The following CDH4 variants were observed in gnomAD, a reference collection of about 807,000 sequenced individuals.
The protein encoded by CDH4 is cadherin 4, also known as cadherin-4.
CDH4 carries 33 observed loss-of-function variants against 86.0 expected under a neutral mutation model. The ratio of observed to expected loss-of-function variants is 0.38; its 90% confidence interval spans 0.29 to 0.51. The LOEUF is 0.51. Among genes scored for constraint, CDH4 ranks in the 20% least tolerant of loss-of-function variants. CDH4 has a pLI of 0.86. For synonymous variants in CDH4, 555 were observed against 549.4 expected, an observed-to-expected ratio of 1.01 and a Z score of -0.14; for missense variants, 1,114 against 1,307.4, an observed-to-expected ratio of 0.85 and a Z score of 2.28.
chr20:61,734,394 G>A (rs2088234692), intron 2 of CDH4, among the ~76,000 whole-genome samples: 1 of 152,230 alleles, frequency 6.6e-6, no homozygotes, highest in Non-Finnish European at 1.5e-5. Flanking sequence ...TGTTGTATGT[G>A]AGGTTTGCAC....
intron 3 of CDH4, among the ~76,000 whole-genome samples, chr20:61,760,992 T>C (rs1315332047): frequency 6.6e-6 from 1 of 152,198 alleles, no homozygotes; most frequent in Non-Finnish European, 1.5e-5. Context: ...TTTTATTCCG[T>C]CCATCCTTAG....
chr20:61,413,250 G>C (rs929710954), intron 2 of CDH4, among the ~76,000 whole-genome samples: 5 of 145,560 alleles, frequency 3.4e-5, no homozygotes, highest in Admixed American at 7.1e-5. Flanking sequence ...GCCTTTCACC[G>C]CTGGCCTGGA....
intron 11 of CDH4, among the ~76,000 whole-genome samples, chr20:61,926,737 G>T (rs1275474023): frequency 1.3e-5 from 2 of 152,206 alleles, no homozygotes; most frequent in African/African-American, 2.4e-5. Flanking sequence ...GCTAGGCATG[G>T]TGGTGCACGC....
intron 2 of CDH4, among the ~76,000 whole-genome samples, chr20:61,453,935 A>T (rs1187730446): frequency 6.6e-6 from 1 of 152,106 alleles, no homozygotes; most frequent in Non-Finnish European, 1.5e-5. Flanking sequence ...TTTGCTCTGC[A>T]CTTCTTCCTG....
intron 2 of CDH4, among the ~76,000 whole-genome samples, chr20:61,561,457 C>T (rs1042461394): frequency 1.3e-5 from 2 of 152,262 alleles, no homozygotes; most frequent in Non-Finnish European, 2.9e-5. Flanking sequence ...GGCCCTGGGC[C>T]GTCCCTCTTC....
intron 2 of CDH4, among the ~76,000 whole-genome samples, chr20:61,367,225 A>T (rs2084815562): frequency 6.7e-6 from 1 of 150,038 alleles, no homozygotes; most frequent in Admixed American, 6.8e-5. Flanking sequence ...GCTCCCTGAG[A>T]TCACATTTCC....
In CDH4 at chr20:61,300,710, G is replaced by A. The variant is rs531439805; in HGVS notation, c.169+45773G>A. On this transcript the variant is annotated intron_variant, in intron 2 of 15. Transcript: ENST00000614565. The stretch of plus-strand genomic sequence containing the variant: ...CAGCCTTCCTGCTGCCCTCTGGGTG[G>A]GATGTCCCCTTTCTCCAGGACACTC... 2.0e-5 allele frequency among the ~76,000 whole-genome samples: 3 copies of A among 152,284 alleles called. No individual in the cohort carries two copies. The East Asian group carries it at 5.8e-4, about 29-fold the overall frequency.
chr20:61,702,279 A>C (rs997004526), intron 2 of CDH4, among the ~76,000 whole-genome samples: 2 of 152,216 alleles, frequency 1.3e-5, no homozygotes, highest in Admixed American at 6.5e-5. Context: ...CGGCAAAATA[A>C]GACTGGCTTG....
At chr20:61,304,994 T>C (rs1037729361) in intron 2 of CDH4, among the ~76,000 whole-genome samples, 1 of 151,942 alleles carries the variant, frequency 6.6e-6, no homozygotes, top group African/African-American at 2.4e-5. Flanking sequence ...GTGTGTACAG[T>C]GTGTTGCCTG....
At position 61,269,373 on chromosome 20, in the gene CDH4, G is replaced by A. The variant is rs181236227; in HGVS notation, c.169+14436G>A. 3.4e-4 allele frequency among the ~76,000 whole-genome samples: 51 copies of A among 152,152 alleles called. 1 individual carries two copies. In the Middle Eastern group the frequency reaches 0.014, roughly 41 times the overall value. On this transcript the variant is annotated intron_variant, in intron 2 of 15. Transcript: ENST00000614565. The surrounding 1 kb of genome is among the most constrained non-coding windows in gnomAD (Gnocchi z 5.3). ...CCCCCATGGAGACCTGGTATACCCCGTTGCCTGGAGAGTCCACATTTCTAA... is the reference window on the plus strand; with the variant it reads ...CCCCCATGGAGACCTGGTATACCCCATTGCCTGGAGAGTCCACATTTCTAA...
chr20:61,316,756 C>T (rs1431426251), intron 2 of CDH4, among the ~76,000 whole-genome samples: 1 of 152,234 alleles, frequency 6.6e-6, no homozygotes, highest in Non-Finnish European at 1.5e-5. Flanking sequence ...GCCGCCGCCT[C>T]TGCTTTTCGG....
At position 61,566,765 on chromosome 20, in the gene CDH4, G is replaced by A. The variant is rs532243574; in HGVS notation, c.170-176798G>A. ...GAAGCCCAAAGAACTGAGCAGGGCC[G>A]ATTCTACCGGGAGAAAGGGTCACCG... is the stretch of plus-strand genomic sequence containing the variant. On this transcript the variant is annotated intron_variant, in intron 2 of 15. Coordinates refer to ENST00000614565, the MANE Select transcript of CDH4 (RefSeq NM_001794.5). Among the ~76,000 whole-genome samples the A allele has an allele frequency of 7.9e-5, 12 of 152,290 alleles. No homozygotes were observed. In the East Asian group the frequency reaches 9.7e-4, roughly 12 times the overall value.
chr20:61,580,030 G>C (rs992310345), intron 2 of CDH4, among the ~76,000 whole-genome samples: 2 of 152,062 alleles, frequency 1.3e-5, no homozygotes, highest in African/African-American at 4.8e-5. Flanking sequence ...TTATCAGCTA[G>C]GAAGCAGCTG....
intron 2 of CDH4, among the ~76,000 whole-genome samples, chr20:61,265,209 T>A (rs4812288): frequency 0.35 from 43,414 of 124,248 alleles, 7,047 homozygotes; most frequent in African/African-American, 0.53. Flanking sequence ...TCAATCTTAC[T>A]CATATCTCAG....
chr20:61,634,086 A>T (rs752306546), intron 2 of CDH4, among the ~76,000 whole-genome samples: 1 of 152,136 alleles, frequency 6.6e-6, no homozygotes, highest in Non-Finnish European at 1.5e-5. Context: ...TCTAACAGGG[A>T]GGTGCTATTA....
chr20:61,919,033 A>G (rs1290536151), intron 9 of CDH4, among the ~76,000 whole-genome samples: 2 of 152,050 alleles, frequency 1.3e-5, no homozygotes, highest in Non-Finnish European at 1.5e-5. Context: ...ACCACGCTCA[A>G]CTAATTTCTT....
At chr20:61,329,539 C>G (rs1320676105) in intron 2 of CDH4, among the ~76,000 whole-genome samples, 2 of 152,060 alleles carry the variant, frequency 1.3e-5, no homozygotes, top group Non-Finnish European at 2.9e-5. Flanking sequence ...TGCTCTCTCT[C>G]TCTCTCTCCT....
chr20:61,418,966 G>A (rs1003565336), intron 2 of CDH4, among the ~76,000 whole-genome samples: 2 of 152,186 alleles, frequency 1.3e-5, no homozygotes, highest in African/African-American at 4.8e-5. Flanking sequence ...CTGTGTGTCT[G>A]TGACTTCTCT....
intron 2 of CDH4, among the ~76,000 whole-genome samples, chr20:61,567,191 C>G (rs761636148): frequency 1.2e-4 from 18 of 152,218 alleles, no homozygotes; most frequent in Non-Finnish European, 2.6e-4. Context: ...TGACAGCACG[C>G]AGCTGGGCAC....
Sources: allele counts gnomAD v4.1 joint callset (sites outside exome capture counted in the v4.1 genomes callset), GRCh38; gene constraint gnomAD v4.1.1; non-coding constraint Gnocchi (gnomAD v3.1); transcripts MANE v1.5; gene names NCBI Gene and HGNC (gene_info 2026-07-23, HGNC 2026-07-21).